DISP3: variants seen among roughly 807,000 people sequenced by gnomAD.
DISP3 encodes the protein protein dispatched homolog 3.
In DISP3, 101 loss-of-function variants were observed where a neutral mutation model predicts 135.3. That is an observed-to-expected ratio of 0.75 (90% CI 0.64 to 0.88). The LOEUF (loss-of-function observed/expected upper bound fraction) is 0.88, where lower values mean the gene tolerates loss of function less well. Among genes scored for constraint, DISP3 ranks in the 40% least tolerant of loss-of-function variants. DISP3 has a pLI of 0.00. For missense variants in DISP3, 1,713 were observed against 1,878.6 expected (o/e 0.91, Z 1.63); for synonymous variants, 856 against 817.0 (o/e 1.05, Z -0.81).
chr1:11,496,153 T>G (rs1192037259), intron 1 of DISP3, among the ~76,000 whole-genome samples: 1 of 152,096 alleles, frequency 6.6e-6, no homozygotes, highest in Non-Finnish European at 1.5e-5. Context: ...ACTGCAGATA[T>G]GGCTTTGGAT....
rs949952120 is a variant in DISP3 at position 11,520,010 on chromosome 1, A to AC, written c.2200+137dup. The AC allele has an allele frequency of 1.2e-5, 10 of 832,892 alleles. No individual in the cohort carries two copies. The highest frequency in any genetic ancestry group is 1.8e-5 in the Non-Finnish European group (10 of 553,596). The allele number at this position is 832,892 out of a possible 1,614,324, so 51.6% of individuals were successfully genotyped here. A position where few individuals can be genotyped will look rare whatever the true frequency, so the allele number is the denominator to read the frequency against. ...CTGGGCTGGGGTCTCTCCCTCTCTG[A>AC]CCCCCCCTCTTTCCTGTGCAGAATG... On this transcript the variant is annotated intron_variant, in intron 9 of 20. Coordinates refer to ENST00000294484, the MANE Select transcript of DISP3 (RefSeq NM_020780.2). The surrounding 1 kb of genome is among the most constrained non-coding windows in gnomAD (Gnocchi z 4.8).
At chr1:11,502,129 T>G in intron 2 of DISP3, 41 bp downstream of exon 2, 1 of 1,520,966 alleles carries the variant, frequency 6.6e-7, no homozygotes. Context: ...AGGTCCAGGT[T>G]TCATACAGCT....
At chr1:11,484,671 C>G (rs1640988037) in intron 1 of DISP3, among the ~76,000 whole-genome samples, 1 of 152,186 alleles carries the variant, frequency 6.6e-6, no homozygotes, top group African/African-American at 2.4e-5. Flanking sequence ...CTGAGCAAAC[C>G]AGATGGGGAA....
intron 13 of DISP3, among the ~76,000 whole-genome samples, chr1:11,527,386 A>G (rs1374281698): frequency 6.6e-6 from 1 of 152,070 alleles, no homozygotes; most frequent in Non-Finnish European, 1.5e-5. Flanking sequence ...CTTCTCTACT[A>G]AAAATACAAA....
intron 10 of DISP3, 48 bp from the exon 11 acceptor site, chr1:11,523,894 C>T (rs1328072344): frequency 1.3e-6 from 2 of 1,513,968 alleles, no homozygotes; most frequent in Admixed American, 3.4e-5. Context: ...GGGCCCAGGC[C>T]AGGATGTCCT....
At chr1:11,533,936 G>GGCCAGGCAGGTT (rs1553157646) in intron 17 of DISP3, 1 of 703,038 alleles carries the variant, frequency 1.4e-6, no homozygotes, top group Admixed American at 2.0e-5. Flanking sequence ...CACCTGCCAG[G>GGCCAGGCAGGTT]GCCAGGCAGG....
chr1:11,509,986 C>T (rs1641813497), intron 3 of DISP3, among the ~76,000 whole-genome samples: 1 of 152,018 alleles, frequency 6.6e-6, no homozygotes, highest in African/African-American at 2.4e-5. Flanking sequence ...GTAGTCCAAG[C>T]TATTGGGGAG....
chr1:11,532,158 G>A (rs1361060053), intron 17 of DISP3, among the ~76,000 whole-genome samples: 1 of 152,168 alleles, frequency 6.6e-6, no homozygotes, highest in African/African-American at 2.4e-5. Context: ...GACGCTCGCT[G>A]GGCTCTGCCC....
Position 11,520,580 on chromosome 1 carries a change from A to G in DISP3, c.2201-107A>G, listed in dbSNP as rs768939371. On this transcript the variant is annotated intron_variant, in intron 9 of 20. Coordinates refer to ENST00000294484, the MANE Select transcript of DISP3 (RefSeq NM_020780.2). The surrounding 1 kb of genome is among the most constrained non-coding windows in gnomAD (Gnocchi z 4.8). ...GGGCCTTCCCCCGCACCCTTAGGACACCCGCCCCCCAACAACCAGAGCAGT... is the reference window on the plus strand; with the variant it reads ...GGGCCTTCCCCCGCACCCTTAGGACGCCCGCCCCCCAACAACCAGAGCAGT... 69 of 1,294,308 alleles carry G rather than the reference A, an allele frequency of 5.3e-5. No individual in the cohort carries two copies. Among genetic ancestry groups the G allele is most frequent in the Non-Finnish European group, 6.5e-5 (61 of 935,590 alleles). The allele number at this position is 1,294,308 out of a possible 1,614,324, so 80.2% of individuals were successfully genotyped here.
chr1:11,515,914 C>T, intron 5 of DISP3, 87 bp from the exon 6 acceptor site: 1 of 1,477,784 alleles, frequency 6.8e-7, no homozygotes, highest in Non-Finnish European at 9.2e-7. Context: ...CCCAGGAGGC[C>T]ACTCACACTT....
At chr1:11,481,376 A>T (rs1203984606) in intron 1 of DISP3, 1 of 152,174 alleles carries the variant, frequency 6.6e-6, no homozygotes. Context: ...AGCCCCAGTG[A>T]TCTCTCCAAG....
At chr1:11,511,272 C>G (rs541404183) in intron 3 of DISP3, among the ~76,000 whole-genome samples, 1 of 152,168 alleles carries the variant, frequency 6.6e-6, no homozygotes, top group Non-Finnish European at 1.5e-5. Flanking sequence ...AGTCCACAGT[C>G]CAAAGTCTCA....
At chr1:11,521,258 G>C (rs1462968617) in intron 10 of DISP3, among the ~76,000 whole-genome samples, 2 of 148,624 alleles carry the variant, frequency 1.3e-5, no homozygotes, top group African/African-American at 2.5e-5. Context: ...GAGGGGAGAG[G>C]AGGAAAGAAG....
chr1:11,503,935 G>C (rs74968608), intron 3 of DISP3, among the ~76,000 whole-genome samples: 2,506 of 152,238 alleles, frequency 0.016, 28 homozygotes, highest in Non-Finnish European at 0.026. Context: ...GGTGCTTGGG[G>C]ATGGTGTGCC....
intron 13 of DISP3, among the ~76,000 whole-genome samples, chr1:11,527,547 CAAA>C (rs35666879): frequency 2.4e-5 from 3 of 123,284 alleles, no homozygotes; most frequent in Non-Finnish European, 3.4e-5. Flanking sequence ...GACTCCATCT[CAAA>C]AAAAAAAAAA....
chr1:11,522,737 GGGCCC>G (rs1265904422), intron 10 of DISP3, among the ~76,000 whole-genome samples: 33 of 134,990 alleles, frequency 2.4e-4, no homozygotes, highest in Middle Eastern at 4.5e-3. Flanking sequence ...GGCCCAGCCA[GGGCCC>G]AGCCAGGACC....
At chr1:11,506,311 A>G (rs1032951097) in intron 3 of DISP3, among the ~76,000 whole-genome samples, 5 of 152,068 alleles carry the variant, frequency 3.3e-5, no homozygotes. Context: ...TGTCCTAGCT[A>G]TTATCTCTTC....
chr1:11,495,315 CG>C (rs1473174450), intron 1 of DISP3, among the ~76,000 whole-genome samples: 9 of 152,138 alleles, frequency 5.9e-5, no homozygotes, highest in Non-Finnish European at 1.0e-4. Context: ...CGCTTGAACC[CG>C]GGAGGTGGAG....
At chr1:11,523,647 GAGAC>G (rs1642315259) in intron 10 of DISP3, among the ~76,000 whole-genome samples, 1 of 140,508 alleles carries the variant, frequency 7.1e-6, no homozygotes, top group South Asian at 2.4e-4. Context: ...GAGTGGCACA[GAGAC>G]AGCAAGCAGG....
Sources: allele counts gnomAD v4.1 joint callset (sites outside exome capture counted in the v4.1 genomes callset), GRCh38; gene constraint gnomAD v4.1.1; non-coding constraint Gnocchi (gnomAD v3.1); transcripts MANE v1.5; gene names NCBI Gene and HGNC (gene_info 2026-07-23, HGNC 2026-07-21).